Variants in GPC5 observed in about 807,000 individuals in gnomAD.
GPC5 encodes the protein glypican-5.
GPC5 carries 47 observed loss-of-function variants against 53.9 expected under a neutral mutation model. The observed-to-expected ratio is 0.87, with a 90% confidence interval of 0.69 to 1.11. The LOEUF (loss-of-function observed/expected upper bound fraction) is 1.11. GPC5 is among the 50% of genes most tolerant of loss of function. GPC5 has a pLI of 0.00. For missense variants in GPC5, 748 were observed against 713.1 expected (o/e 1.05, Z -0.56); for synonymous variants, 286 against 263.3 (o/e 1.09, Z -0.84).
At chr13:91,656,458 T>C (rs2034847697) in intron 2 of GPC5, among the ~76,000 whole-genome samples, 1 of 152,190 alleles carries the variant, frequency 6.6e-6, no homozygotes, top group African/African-American at 2.4e-5. Flanking sequence ...ATTTGCCTAA[T>C]TGTTACACAG....
intron 7 of GPC5, among the ~76,000 whole-genome samples, chr13:92,799,754 C>A (rs1330784316): frequency 6.6e-6 from 1 of 151,742 alleles, no homozygotes; most frequent in Non-Finnish European, 1.5e-5. Flanking sequence ...ACCTTTTTCT[C>A]TCCCTTCACA....
intron 6 of GPC5, among the ~76,000 whole-genome samples, chr13:91,933,754 T>G (rs917185269): frequency 1.3e-5 from 2 of 151,974 alleles, no homozygotes; most frequent in Non-Finnish European, 2.9e-5. Context: ...CATAGTGATT[T>G]GTAGTTAGAA....
chr13:91,484,262 A>G (rs1883468317), intron 2 of GPC5, among the ~76,000 whole-genome samples: 1 of 152,188 alleles, frequency 6.6e-6, no homozygotes, highest in Non-Finnish European at 1.5e-5. Flanking sequence ...AGCACCCTGA[A>G]AGGGTTCTCA....
At chr13:92,597,706 C>T (rs887795843) in intron 7 of GPC5, among the ~76,000 whole-genome samples, 5 of 152,074 alleles carry the variant, frequency 3.3e-5, no homozygotes, top group African/African-American at 4.8e-5. Context: ...TGCATGCAAG[C>T]TTACTTTGGG....
At chr13:91,559,104 G>A (rs1255106452) in intron 2 of GPC5, among the ~76,000 whole-genome samples, 1 of 151,948 alleles carries the variant, frequency 6.6e-6, no homozygotes, top group Non-Finnish European at 1.5e-5. Flanking sequence ...TTGGAATTTG[G>A]GATTGGTTTG....
intron 7 of GPC5, among the ~76,000 whole-genome samples, chr13:92,167,597 G>A (rs1258741462): frequency 6.6e-6 from 1 of 152,066 alleles, no homozygotes; most frequent in African/African-American, 2.4e-5. Flanking sequence ...CAGGAATTGA[G>A]ACTAAAAACA....
At chr13:92,693,737 G>A (rs770042628) in intron 7 of GPC5, among the ~76,000 whole-genome samples, 1 of 151,762 alleles carries the variant, frequency 6.6e-6, no homozygotes, top group Non-Finnish European at 1.5e-5. Flanking sequence ...AAAATTTACA[G>A]CCTGACCATG....
At chr13:92,051,604 A>G (rs1429637930) in intron 6 of GPC5, among the ~76,000 whole-genome samples, 2 of 152,172 alleles carry the variant, frequency 1.3e-5, no homozygotes, top group Non-Finnish European at 2.9e-5. Flanking sequence ...TCAGTATCAC[A>G]GAGATTATTG....
chr13:91,559,836 G>A (rs2031162935), intron 2 of GPC5, among the ~76,000 whole-genome samples: 1 of 152,054 alleles, frequency 6.6e-6, no homozygotes, highest in South Asian at 2.1e-4. Context: ...TGCAAGGGGG[G>A]AAATTTCAGC....
intron 2 of GPC5, among the ~76,000 whole-genome samples, chr13:91,527,133 G>A (rs1886123554): frequency 6.6e-6 from 1 of 152,152 alleles, no homozygotes; most frequent in South Asian, 2.1e-4. Context: ...GTTCTGCAAA[G>A]CTTTAACTTA....
chr13:92,659,019 C>T (rs932339274), intron 7 of GPC5: 1 of 145,872 alleles, frequency 6.9e-6, no homozygotes, highest in Non-Finnish European at 1.5e-5. Flanking sequence ...AGCTCCGCCT[C>T]CCGGGTTCAC....
chr13:92,657,522 C>G (rs554614076), intron 7 of GPC5, among the ~76,000 whole-genome samples: 1 of 148,836 alleles, frequency 6.7e-6, no homozygotes, highest in East Asian at 2.0e-4. Flanking sequence ...AAATTAGAGA[C>G]ACAACTGGCA....
At chr13:92,437,792 G>T (rs902880510) in intron 7 of GPC5, among the ~76,000 whole-genome samples, 1 of 152,074 alleles carries the variant, frequency 6.6e-6, no homozygotes, top group Admixed American at 6.6e-5. Context: ...ACTCTGATTG[G>T]TTGGTTATGA....
intron 7 of GPC5, among the ~76,000 whole-genome samples, chr13:92,193,291 C>T (rs891233426): frequency 6.6e-6 from 1 of 151,980 alleles, no homozygotes; most frequent in African/African-American, 2.4e-5. Context: ...TTTCTTTTTC[C>T]AATAAAAAAA....
At chr13:92,521,624 A>G (rs1881052211) in intron 7 of GPC5, among the ~76,000 whole-genome samples, 3 of 152,226 alleles carry the variant, frequency 2.0e-5, no homozygotes, top group Non-Finnish European at 2.9e-5. Context: ...ACAAAAATCA[A>G]TTCAAGATGG....
chr13:92,812,333 G>A (rs1161382287), intron 7 of GPC5, among the ~76,000 whole-genome samples: 1 of 151,658 alleles, frequency 6.6e-6, no homozygotes, highest in Non-Finnish European at 1.5e-5. Flanking sequence ...TATTCTTTGT[G>A]ACACTATTGT....
At chr13:92,740,934 A>ATG (rs1451808817) in intron 7 of GPC5, among the ~76,000 whole-genome samples, 6 of 140,478 alleles carry the variant, frequency 4.3e-5, no homozygotes, top group African/African-American at 1.0e-4. Flanking sequence ...ATATGTATGC[A>ATG]TGTATGTGTG....
intron 2 of GPC5, among the ~76,000 whole-genome samples, chr13:91,685,193 T>C (rs1156322163): frequency 1.3e-5 from 2 of 152,160 alleles, no homozygotes; most frequent in Non-Finnish European, 2.9e-5. Flanking sequence ...TGGTCCCAGA[T>C]ACTTGGGAGG....
intron 5 of GPC5, among the ~76,000 whole-genome samples, chr13:91,860,701 C>T (rs941528555): frequency 4.6e-5 from 7 of 151,922 alleles, no homozygotes; most frequent in African/African-American, 1.7e-4. Flanking sequence ...GGGGTTTCAC[C>T]GTGTTGACCA....
Sources: gnomAD v4.1 joint callset for allele counts (sites outside exome capture counted in the v4.1 genomes callset) on GRCh38, gnomAD v4.1.1 for gene constraint, MANE v1.5 for transcripts, NCBI Gene and HGNC (gene_info 2026-07-23, HGNC 2026-07-21) for gene names.